The following CACNA1B variants were observed in gnomAD, a reference collection of about 807,000 sequenced individuals.
CACNA1B encodes the protein voltage-dependent N-type calcium channel subunit alpha-1B.
In CACNA1B, 70 loss-of-function variants were observed where a neutral mutation model predicts 247.2. The ratio of observed to expected loss-of-function variants is 0.28; its 90% CI spans 0.23 to 0.35. CACNA1B has a LOEUF of 0.35. Among genes scored for constraint, CACNA1B ranks in the 10% least tolerant of loss-of-function variants. The pLI is 1.00. For synonymous variants in CACNA1B, 1,231 were observed against 1,294.4 expected, an observed-to-expected ratio of 0.95 and a Z score of 1.05; for missense variants, 2,367 against 3,197.4, an observed-to-expected ratio of 0.74 and a Z score of 6.26.
chr9:137,920,575 G>A (rs1294119383), intron 6 of CACNA1B, among the ~76,000 whole-genome samples: 1 of 152,218 alleles, frequency 6.6e-6, no homozygotes, highest in Admixed American at 6.5e-5. Flanking sequence ...CCCAGGAGCT[G>A]TCAGAATGGT....
In CACNA1B at chr9:138,050,166, C is replaced by A; in HGVS notation, c.3710+851C>A. ...CCCTCTTGGGTCATTTCATCTCCAGCCTCACCCCCCGCCCATCCACTTTCA... is the reference window on the plus strand; with the variant it reads ...CCCTCTTGGGTCATTTCATCTCCAGACTCACCCCCCGCCCATCCACTTTCA... On this transcript the variant is annotated intron_variant, in intron 24 of 46. Transcript: ENST00000371372. This position sits in a 1 kb window ranked among gnomAD's most constrained non-coding sequence, Gnocchi z 5.2. 2 of 1,036,970 alleles carry A rather than the reference C, an allele frequency of 1.9e-6. No homozygotes were observed. Among genetic ancestry groups the A allele is most frequent in the Non-Finnish European group, 1.3e-6 (1 of 758,524 alleles). 64.2% of individuals were successfully genotyped at this position (1,036,970 alleles called of 1,614,324 possible). A position where few individuals can be genotyped will look rare whatever the true frequency, so the allele number is the denominator to read the frequency against.
intron 15 of CACNA1B, among the ~76,000 whole-genome samples, chr9:138,000,009 C>T (rs941380224): frequency 2.0e-5 from 3 of 151,014 alleles, no homozygotes; most frequent in Admixed American, 6.6e-5. Context: ...AAAAGGGAGT[C>T]GTAACTATAG....
At chr9:137,987,676 G>C (rs552034325) in intron 15 of CACNA1B, among the ~76,000 whole-genome samples, 6 of 152,258 alleles carry the variant, frequency 3.9e-5, no homozygotes, top group Admixed American at 2.6e-4. Flanking sequence ...CTTGTGTGAA[G>C]AGAGGGGCCC....
At chr9:138,069,444 C>T (rs1338795455) in intron 31 of CACNA1B, among the ~76,000 whole-genome samples, 1 of 152,222 alleles carries the variant, frequency 6.6e-6, no homozygotes, top group Non-Finnish European at 1.5e-5. Context: ...GCCACCTTGT[C>T]TGCATAACCT....
intron 37 of CACNA1B, among the ~76,000 whole-genome samples, chr9:138,098,189 C>G (rs541089641): frequency 2.0e-5 from 3 of 152,224 alleles, no homozygotes; most frequent in Middle Eastern, 3.2e-3. Flanking sequence ...CCTGTCATGT[C>G]CGATGCAGCA....
chr9:138,043,984 C>A, intron 21 of CACNA1B, 84 bp downstream of exon 21: 1 of 1,516,468 alleles, frequency 6.6e-7, no homozygotes, highest in Non-Finnish European at 8.9e-7. Flanking sequence ...CCAGCGTGCA[C>A]TGATTCTGCG....
intron 20 of CACNA1B, chr9:138,040,517 T>A (rs962848076): frequency 3.2e-5 from 13 of 409,592 alleles, no homozygotes; most frequent in Non-Finnish European, 6.3e-5. Context: ...GTATGGGAGT[T>A]TATTAAGTAT....
Position 137,986,611 on chromosome 9 carries a change from G to T in CACNA1B, c.1901+67G>T, listed in dbSNP as rs1032130445. 4.4e-6 allele frequency: 7 copies of T among 1,587,746 alleles called. No individual in the cohort carries two copies. The Admixed American group carries it at 1.2e-4, about 27-fold the overall frequency. On this transcript the variant is annotated intron_variant, in intron 14 of 46. Coordinates refer to ENST00000371372, the MANE Select transcript of CACNA1B (RefSeq NM_000718.4). The surrounding 1 kb of genome is among the most constrained non-coding windows in gnomAD (Gnocchi z 6.0). ...CAGGGAAGCAGAGCTCAGAGCAGACGGTGCCGCCCAGGCTGCCTCCACCCA... is the reference window on the plus strand; with the variant it reads ...CAGGGAAGCAGAGCTCAGAGCAGACTGTGCCGCCCAGGCTGCCTCCACCCA...
intron 1 of CACNA1B, 43 bp from the exon 2 acceptor site, chr9:137,879,011 T>A: frequency 7.5e-7 from 1 of 1,332,364 alleles, no homozygotes; most frequent in Non-Finnish European, 1.1e-6. Context: ...GCCTCGTGTT[T>A]CCCTCCGTGC....
At position 137,894,423 on chromosome 9, in the gene CACNA1B, TA is replaced by T. The variant is rs527674037; in HGVS notation, c.530+11541del. ...GTTCTCTGCCATCTGCATATCCTTT[TA>T]TTTTTTTTCAGATGGAGTCTCGCTC... On this transcript the variant is annotated intron_variant, in intron 3 of 46. Transcript: ENST00000371372. 3.1e-4 allele frequency among the ~76,000 whole-genome samples: 47 copies of T among 152,096 alleles called. No individual in the cohort carries two copies. In the East Asian group the frequency reaches 6.0e-3, roughly 19 times the overall value.
chr9:138,000,139 C>A (rs1324897489), intron 15 of CACNA1B, among the ~76,000 whole-genome samples: 2 of 151,170 alleles, frequency 1.3e-5, no homozygotes, highest in African/African-American at 4.9e-5. Flanking sequence ...CGCTCTGTCG[C>A]CCAGGCTGGA....
At chr9:138,069,658 A>G (rs1960049869) in intron 31 of CACNA1B, 100 bp from the exon 32 acceptor site, 1 of 882,580 alleles carries the variant, frequency 1.1e-6, no homozygotes, top group Non-Finnish European at 1.9e-6. Flanking sequence ...ATACAATGCG[A>G]AAACCCATGT....
chr9:138,068,575 C>CTAAA, intron 31 of CACNA1B: 1 of 518,618 alleles, frequency 1.9e-6, no homozygotes, highest in South Asian at 1.4e-5. Flanking sequence ...CACAGGTGGG[C>CTAAA]TGCATTGCTG....
chr9:138,116,698 A>G (rs927459426), intron 42 of CACNA1B, among the ~76,000 whole-genome samples: 4 of 152,164 alleles, frequency 2.6e-5, no homozygotes, highest in Admixed American at 6.5e-5. Context: ...TGGTGAGGGT[A>G]TTTATTGAGC....
intron 15 of CACNA1B, among the ~76,000 whole-genome samples, chr9:137,993,225 A>G (rs1958453711): frequency 6.6e-6 from 1 of 152,192 alleles, no homozygotes; most frequent in Non-Finnish European, 1.5e-5. Flanking sequence ...AAAAATTACA[A>G]AAGATAAATT....
chr9:138,120,079 G>C (rs1962027509), intron 44 of CACNA1B, 86 bp from the exon 45 acceptor site: 2 of 1,161,838 alleles, frequency 1.7e-6, no homozygotes, highest in East Asian at 5.2e-5. Flanking sequence ...CCTGCTGTCT[G>C]GCCTGCTCCA....
intron 6 of CACNA1B, among the ~76,000 whole-genome samples, chr9:137,927,689 T>C (rs1197749273): frequency 6.6e-6 from 1 of 152,242 alleles, no homozygotes; most frequent in Non-Finnish European, 1.5e-5. Flanking sequence ...TTTGCCATGC[T>C]CCCAATCTTA....
chr9:137,976,025 T>C lies in CACNA1B; in HGVS notation c.1656+6T>C. On this transcript the variant is annotated splice_donor_region_variant and intron_variant, in intron 12 of 46. Coordinates refer to ENST00000371372, the MANE Select transcript of CACNA1B (RefSeq NM_000718.4). ...TCAACTGCTTCGACTTTGGGGTGAG[T>C]GAGAGGCCTGATCAGGGGCCCAGGC... The C allele has an allele frequency of 6.5e-7, 1 of 1,539,382 alleles. No individual in the cohort carries two copies.
In CACNA1B at chr9:137,986,755, C is replaced by A; in HGVS notation, c.1902-27C>A. The A allele has an allele frequency of 1.3e-6, 2 of 1,596,860 alleles. No homozygotes were observed. The highest frequency in any genetic ancestry group is 2.2e-5 in the South Asian group (2 of 90,706). ...TGCCTCGCTGCTGACGGGACTGCCA[C>A]TTCCCAAGCCTTCCTGTTTTCCTCA... is the stretch of plus-strand genomic sequence containing the variant. On this transcript the variant is annotated intron_variant, in intron 14 of 46. Transcript: ENST00000371372. The surrounding 1 kb of genome is among the most constrained non-coding windows in gnomAD (Gnocchi z 6.0).
Sources: allele counts gnomAD v4.1 joint callset (sites outside exome capture counted in the v4.1 genomes callset), GRCh38; gene constraint gnomAD v4.1.1; non-coding constraint Gnocchi (gnomAD v3.1); transcripts MANE v1.5; gene names NCBI Gene and HGNC (gene_info 2026-07-23, HGNC 2026-07-21).